JAK1: variants seen among roughly 807,000 people sequenced by gnomAD.
The protein encoded by JAK1 is Janus kinase 1, also known as tyrosine-protein kinase JAK1.
A neutral mutation model predicts 136.6 loss-of-function variants in JAK1; 16 were observed. The ratio of observed to expected loss-of-function variants is 0.12; its 90% CI spans 0.08 to 0.18. The LOEUF is 0.18. Ranked by LOEUF, JAK1 falls within the 10% of genes least tolerant of loss-of-function variation. The pLI, the probability that JAK1 is intolerant of heterozygous loss-of-function variation, is 1.00. For missense variants in JAK1, 859 were observed against 1,450.1 expected (o/e 0.59, Z 6.62); for synonymous variants, 492 against 519.5 (o/e 0.95, Z 0.72).
chr1:65,017,568 GA>G (rs2100784122), intron 2 of JAK1, among the ~76,000 whole-genome samples: 1 of 151,974 alleles, frequency 6.6e-6, no homozygotes, highest in Non-Finnish European at 1.5e-5. Context: ...AACAACTGCA[GA>G]AAAAAATTCT....
intron 2 of JAK1, chr1:64,986,081 C>T (rs919904432): frequency 8.0e-6 from 8 of 998,326 alleles, no homozygotes; most frequent in Non-Finnish European, 1.2e-5. Context: ...GGGTGACCTT[C>T]TATGTCCCCC....
intron 2 of JAK1, among the ~76,000 whole-genome samples, chr1:65,025,227 T>C (rs754166468): frequency 2.0e-5 from 3 of 152,152 alleles, no homozygotes; most frequent in Non-Finnish European, 4.4e-5. Context: ...CCAAGAGGAA[T>C]AGGTACACTG....
chr1:64,886,389 C>G (rs1347225700), intron 1 of JAK1, 48 bp from the exon 2 acceptor site: 3 of 1,120,454 alleles, frequency 2.7e-6, no homozygotes, highest in African/African-American at 1.6e-5. Flanking sequence ...GTAATTGCAT[C>G]TGAAAATAAG....
At chr1:64,965,959 G>A (rs571436795) in intron 1 of JAK1, among the ~76,000 whole-genome samples, 2 of 152,184 alleles carry the variant, frequency 1.3e-5, no homozygotes, top group South Asian at 4.2e-4. Context: ...AGGAGCTAGG[G>A]ACGTCAGCCC....
chr1:64,953,998 A>G (rs1327842689), intron 1 of JAK1, among the ~76,000 whole-genome samples: 1 of 152,134 alleles, frequency 6.6e-6, no homozygotes, highest in Non-Finnish European at 1.5e-5. Context: ...ATATCTAACA[A>G]TACCAAATAC....
chr1:64,853,406 G>C (rs1299731292), intron 11 of JAK1, among the ~76,000 whole-genome samples: 2 of 152,172 alleles, frequency 1.3e-5, no homozygotes, highest in African/African-American at 4.8e-5. Context: ...CAGACAACGT[G>C]AGTTCAAATC....
chr1:65,031,735 G>C (rs1342829176), intron 2 of JAK1, among the ~76,000 whole-genome samples: 4 of 151,808 alleles, frequency 2.6e-5, no homozygotes, highest in Non-Finnish European at 5.9e-5. Context: ...ACATCTCATG[G>C]CTCCAATTTA....
At chr1:65,025,267 G>A (rs1308730168) in intron 2 of JAK1, among the ~76,000 whole-genome samples, 1 of 152,182 alleles carries the variant, frequency 6.6e-6, no homozygotes, top group African/African-American at 2.4e-5. Context: ...TCCCATTCCC[G>A]AAGCAATGGT....
intron 11 of JAK1, among the ~76,000 whole-genome samples, chr1:64,853,039 T>C (rs1397803837): frequency 6.6e-6 from 1 of 152,212 alleles, no homozygotes; most frequent in African/African-American, 2.4e-5. Context: ...TGCTTTTTAT[T>C]TATCCCATGA....
At chr1:64,838,412 C>T (rs1654627929) in intron 21 of JAK1, 53 bp downstream of exon 21, 1 of 1,587,650 alleles carries the variant, frequency 6.3e-7, no homozygotes, top group Non-Finnish European at 8.6e-7. Context: ...ACCAATTACC[C>T]AGGACAGAGT....
At chr1:64,843,977 C>T in intron 17 of JAK1, 87 bp downstream of exon 17, 17 of 1,485,152 alleles carry the variant, frequency 1.1e-5, no homozygotes, top group Non-Finnish European at 1.6e-5. Flanking sequence ...TCTCTTCCCA[C>T]AGTGCCAGGC....
chr1:64,835,849 C>T (rs966958025), intron 23 of JAK1, among the ~76,000 whole-genome samples: 1 of 152,024 alleles, frequency 6.6e-6, no homozygotes, highest in Non-Finnish European at 1.5e-5. Flanking sequence ...TAAAACTGCC[C>T]TTCATCTCTA....
intron 2 of JAK1, among the ~76,000 whole-genome samples, chr1:65,015,072 CAG>C (rs1028292968): frequency 6.6e-6 from 1 of 152,076 alleles, no homozygotes; most frequent in African/African-American, 2.4e-5. Context: ...AGTAGAAACA[CAG>C]AGACTTTGCT....
intron 1 of JAK1, among the ~76,000 whole-genome samples, chr1:65,061,166 C>G (rs774823760): frequency 6.6e-6 from 1 of 152,192 alleles, no homozygotes; most frequent in Non-Finnish European, 1.5e-5. Flanking sequence ...CACCTGTAAT[C>G]TCAGCGCCTT....
rs1221354976 is a variant in JAK1, at chr1:64,879,039, G to C, written c.315C>G (p.Leu105=). Residue 105 remains leucine, a synonymous_variant, in exon 4 of 25, where the codon CTC becomes CTG. Coordinates refer to ENST00000342505, the MANE Select transcript of JAK1 (RefSeq NM_002227.4). ...ACTTCCCATACCTCATCCGGTAGTG[G>C]AGCCGGAGGGACATCTTGTCATCAA... The part of the protein sequence containing the change: ...ITVDDKMSLR[L]HYRMRFYFTN... The C allele has an allele frequency of 1.2e-6, 2 of 1,613,924 alleles. No individual in the cohort carries two copies. The highest frequency in any genetic ancestry group is 2.7e-5 in the African/African-American group (2 of 74,886).
chr1:64,836,315 A>G, intron 22 of JAK1, 100 bp from the exon 23 acceptor site: 2 of 735,788 alleles, frequency 2.7e-6, no homozygotes, highest in South Asian at 3.2e-5. Flanking sequence ...TTTTCTTATA[A>G]TTTAATACAG....
intron 1 of JAK1, among the ~76,000 whole-genome samples, chr1:64,933,927 C>T (rs953840249): frequency 3.9e-5 from 6 of 152,158 alleles, no homozygotes; most frequent in South Asian, 4.1e-4. Flanking sequence ...TCAGGCACTA[C>T]GGAATATACT....
chr1:64,878,388 A>T lies in JAK1; in HGVS notation c.329+637T>A, dbSNP rs1343262373. Among the ~76,000 whole-genome samples the T allele has an allele frequency of 4.6e-5, 7 of 152,022 alleles. No homozygotes were observed. In the South Asian group the frequency reaches 1.2e-3, roughly 27 times the overall value. ...AAAGGCAGGTGCCCATCAGAAGAAA[A>T]ATTACAGCTCCACAGCCAAAAATCC... On this transcript the variant is annotated intron_variant, in intron 4 of 24. Transcript: ENST00000342505.
At chr1:64,836,257 C>A (rs377101117) in intron 22 of JAK1, 42 bp from the exon 23 acceptor site, 3 of 1,116,334 alleles carry the variant, frequency 2.7e-6, no homozygotes, top group Admixed American at 1.7e-5. Flanking sequence ...TCCTGGGAGG[C>A]ACACTCCATC....
Sources: gnomAD v4.1 joint callset for allele counts (sites outside exome capture counted in the v4.1 genomes callset) on GRCh38, gnomAD v4.1.1 for gene constraint, MANE v1.5 for transcripts, NCBI Gene and HGNC (gene_info 2026-07-23, HGNC 2026-07-21) for gene names.